NUP43: variants seen among roughly 807,000 people sequenced by gnomAD.
NUP43 encodes nucleoporin Nup43.
Under a neutral mutation model 47.3 loss-of-function variants are expected in NUP43, and 32 were observed. The observed-to-expected ratio is 0.68, with a 90% CI of 0.51 to 0.91. The LOEUF is 0.91. NUP43 is among the 40% of genes least tolerant of loss of function. NUP43 has a pLI of 0.00. For synonymous variants in NUP43, 147 were observed against 158.4 expected (o/e 0.93, Z 0.54); for missense variants, 444 against 453.9 (o/e 0.98, Z 0.20).
chr6:149,743,004 C>T (rs1198855975), intron 3 of NUP43, among the ~76,000 whole-genome samples: 3 of 151,932 alleles, frequency 2.0e-5, no homozygotes, highest in Admixed American at 6.6e-5. Context: ...GGCAAAATCC[C>T]GTCTCTACTA....
chr6:149,743,558 G>T, intron 3 of NUP43, 80 bp downstream of exon 3: 2 of 834,668 alleles, frequency 2.4e-6, no homozygotes, highest in Non-Finnish European at 3.9e-6. Context: ...CTGCGCCACT[G>T]CACTCCAGTG....
intron 7 of NUP43, chr6:149,727,412 A>T: frequency 1.0e-6 from 1 of 984,208 alleles, no homozygotes. Flanking sequence ...TAATATGGAT[A>T]CCAAACTCGA....
At chr6:149,737,968 A>G (rs1012838198) in intron 5 of NUP43, among the ~76,000 whole-genome samples, 3 of 152,072 alleles carry the variant, frequency 2.0e-5, no homozygotes, top group Non-Finnish European at 2.9e-5. Flanking sequence ...TGGGATTACA[A>G]GCATGAGCAA....
chr6:149,744,569 G>A (rs1317039547), intron 2 of NUP43, among the ~76,000 whole-genome samples: 1 of 151,052 alleles, frequency 6.6e-6, no homozygotes, highest in Non-Finnish European at 1.5e-5. Flanking sequence ...TGGGCATGGT[G>A]GCTCACACCT....
chr6:149,737,683 C>A (rs577744619), intron 5 of NUP43, among the ~76,000 whole-genome samples: 2 of 151,974 alleles, frequency 1.3e-5, no homozygotes, highest in African/African-American at 4.8e-5. Context: ...TGCAATGGCA[C>A]GATCTTAGCT....
At chr6:149,735,803 A>C (rs369602321) in intron 6 of NUP43, among the ~76,000 whole-genome samples, 19 of 151,166 alleles carry the variant, frequency 1.3e-4, no homozygotes, top group Admixed American at 6.6e-4. Flanking sequence ...TACAAAAAAA[A>C]AAACAAACAA....
chr6:149,728,280 A>C, intron 7 of NUP43: 1 of 983,402 alleles, frequency 1.0e-6, no homozygotes, highest in Non-Finnish European at 1.2e-6. Context: ...ACACAGAATA[A>C]AGTTTTATTT....
chr6:149,739,253 C>T (rs1474309741), intron 4 of NUP43, among the ~76,000 whole-genome samples: 1 of 151,952 alleles, frequency 6.6e-6, no homozygotes, highest in East Asian at 1.9e-4. Context: ...GCTGGGATTA[C>T]AGGCTTGAGC....
At chr6:149,746,220 C>T (rs1467641939) in intron 1 of NUP43, 156 bp downstream of exon 1, 1 of 1,322,362 alleles carries the variant, frequency 7.6e-7, no homozygotes, top group Non-Finnish European at 1.1e-6. Flanking sequence ...CCATCACCGG[C>T]TCTGAGCTAC....
chr6:149,727,521 A>C (rs1784843669), intron 7 of NUP43: 7 of 984,660 alleles, frequency 7.1e-6, no homozygotes, highest in Non-Finnish European at 7.2e-6. Flanking sequence ...CAAGTTGAAT[A>C]AGGAAAGAAA....
In NUP43 at chr6:149,725,532, T is replaced by C. The variant is rs1251807920; in HGVS notation, c.*1437A>G. 2 of 152,194 alleles carry C rather than the reference T, an allele frequency of 1.3e-5. No homozygotes were observed. Among genetic ancestry groups the C allele is most frequent in the Non-Finnish European group, 2.9e-5 (2 of 68,050 alleles). The allele number at this position is 152,194 out of a possible 1,614,324, so 9.4% of individuals were successfully genotyped here. ...TGAACCTAAGAGACGGAGGTTGCAG[T>C]GAGCTGAGATCATGCCATTTCACTC... On this transcript the variant is annotated 3_prime_UTR_variant, in exon 8 of 8. Coordinates refer to ENST00000340413, the MANE Select transcript of NUP43 (RefSeq NM_198887.3).
chr6:149,741,420 C>T (rs1418323457), intron 4 of NUP43, among the ~76,000 whole-genome samples: 7 of 152,174 alleles, frequency 4.6e-5, no homozygotes, highest in South Asian at 2.1e-4. Context: ...ATGATCTGCT[C>T]GCCTTTGCCT....
intron 2 of NUP43, among the ~76,000 whole-genome samples, chr6:149,743,976 G>A (rs1334927181): frequency 2.0e-5 from 3 of 152,058 alleles, no homozygotes; most frequent in Admixed American, 2.0e-4. Context: ...TAAAACCTTA[G>A]GAAAATATTA....
At chr6:149,740,541 A>T (rs1458968479) in intron 4 of NUP43, among the ~76,000 whole-genome samples, 1 of 152,038 alleles carries the variant, frequency 6.6e-6, no homozygotes, top group African/African-American at 2.4e-5. Context: ...AGGCTGGAGA[A>T]TCGCGTGAAC....
chr6:149,744,454 G>A (rs961013460), intron 2 of NUP43, among the ~76,000 whole-genome samples: 4 of 151,286 alleles, frequency 2.6e-5, no homozygotes, highest in Admixed American at 6.6e-5. Flanking sequence ...AACCCACGAG[G>A]TGGGGTTGCA....
At chr6:149,740,657 C>T (rs1785602009) in intron 4 of NUP43, among the ~76,000 whole-genome samples, 2 of 151,942 alleles carry the variant, frequency 1.3e-5, no homozygotes, top group Non-Finnish European at 2.9e-5. Context: ...CACACACATA[C>T]AAAATGGATT....
chr6:149,746,217 C>T (rs1785987527), intron 1 of NUP43, 155 bp from the exon 2 acceptor site: 6 of 1,306,996 alleles, frequency 4.6e-6, no homozygotes, highest in Non-Finnish European at 4.3e-6. Flanking sequence ...ATGCCATCAC[C>T]GGCTCTGAGC....
chr6:149,725,768 T>C lies in NUP43; in HGVS notation c.*1201A>G, dbSNP rs1454469554. On this transcript the variant is annotated 3_prime_UTR_variant, in exon 8 of 8. Transcript: ENST00000340413. ...AACAAAGTTTGGAAAGATAGTATCA[T>C]TAAATTATCTTAAAACACTACATTA... The C allele has an allele frequency of 6.6e-6, 1 of 152,166 alleles. No individual in the cohort carries two copies. The highest frequency in any genetic ancestry group is 1.5e-5 in the Non-Finnish European group (1 of 68,034). 9.4% of individuals were successfully genotyped at this position (152,166 alleles called of 1,614,324 possible). A position where few individuals can be genotyped will look rare whatever the true frequency, so the allele number is the denominator to read the frequency against.
At chr6:149,728,502 T>C (rs899285294) in intron 7 of NUP43, 13 of 968,792 alleles carry the variant, frequency 1.3e-5, no homozygotes, top group African/African-American at 5.3e-5. Flanking sequence ...AGAATTTTTT[T>C]CCCCTTAGTT....
Sources: gnomAD v4.1 joint callset for allele counts (sites outside exome capture counted in the v4.1 genomes callset) on GRCh38, gnomAD v4.1.1 for gene constraint, MANE v1.5 for transcripts, NCBI Gene and HGNC (gene_info 2026-07-23, HGNC 2026-07-21) for gene names.